Variants in PRKG1 observed in about 807,000 individuals in gnomAD.
PRKG1 encodes cGMP-dependent protein kinase 1.
A neutral mutation model predicts 88.1 loss-of-function variants in PRKG1; 35 were observed. That is an observed-to-expected ratio of 0.40 (90% CI 0.30 to 0.53). The LOEUF is 0.53. Ranked by LOEUF, PRKG1 falls within the 20% of genes least tolerant of loss-of-function variation. PRKG1 has a pLI of 0.59. For missense variants in PRKG1, 540 were observed against 839.8 expected, an observed-to-expected ratio of 0.64 and a Z score of 4.41; for synonymous variants, 303 against 292.5, an observed-to-expected ratio of 1.04 and a Z score of -0.37.
intron 5 of PRKG1, chr10:51,908,733 A>ACCTATCTATATATATAT (rs60587885): frequency 1.5e-5 from 2 of 131,666 alleles, no homozygotes; most frequent in Non-Finnish European, 3.2e-5. Flanking sequence ...ATCTATATGT[A>ACCTATCTATATATATAT]ATTTTTTTTT....
chr10:51,005,884 G>A (rs1261962754), intron 1 of PRKG1, among the ~76,000 whole-genome samples: 1 of 152,126 alleles, frequency 6.6e-6, no homozygotes, highest in Non-Finnish European at 1.5e-5. Flanking sequence ...TCCTCTCATT[G>A]TCTATTCGTT....
chr10:51,714,695 A>G (rs1239606937), intron 3 of PRKG1, among the ~76,000 whole-genome samples: 3 of 152,170 alleles, frequency 2.0e-5, no homozygotes, highest in Non-Finnish European at 4.4e-5. Context: ...TGGTCACTGA[A>G]AGACTGATTT....
intron 3 of PRKG1, among the ~76,000 whole-genome samples, chr10:51,625,082 A>G (rs1300168747): frequency 6.6e-6 from 1 of 152,218 alleles, no homozygotes; most frequent in Non-Finnish European, 1.5e-5. Context: ...AAATTAATAA[A>G]TGTTTAAAGT....
intron 7 of PRKG1, chr10:52,081,622 G>A (rs777183365): frequency 6.6e-6 from 3 of 456,480 alleles, no homozygotes; most frequent in East Asian, 1.4e-4. Flanking sequence ...TGATGGAGAA[G>A]CAAAACATGT....
intron 9 of PRKG1, among the ~76,000 whole-genome samples, chr10:52,191,001 A>G (rs1347777509): frequency 1.3e-5 from 2 of 152,136 alleles, no homozygotes; most frequent in African/African-American, 4.8e-5. Flanking sequence ...ATGAGTAGTC[A>G]TTTTTCAATT....
chr10:52,288,866 A>T lies in PRKG1; in HGVS notation c.1832+18A>T. On this transcript the variant is annotated intron_variant, in intron 15 of 17. Transcript: ENST00000373980. The stretch of plus-strand genomic sequence containing the variant: ...CTATGCAGGTAAGTATTTCAACCAC[A>T]TTATTTTTGAAAACATCATAATGTG... The T allele has an allele frequency of 6.3e-7, 1 of 1,595,490 alleles. No homozygotes were observed. Among genetic ancestry groups the T allele is most frequent in the Non-Finnish European group, 8.5e-7 (1 of 1,172,898 alleles).
chr10:51,246,668 A>T (rs1839300960), intron 2 of PRKG1, among the ~76,000 whole-genome samples: 2 of 152,014 alleles, frequency 1.3e-5, no homozygotes, highest in South Asian at 4.1e-4. Flanking sequence ...TTTCTGACAG[A>T]TGTTGGTACA....
At chr10:52,076,749 G>A (rs1846638754) in intron 7 of PRKG1, among the ~76,000 whole-genome samples, 1 of 152,244 alleles carries the variant, frequency 6.6e-6, no homozygotes, top group Non-Finnish European at 1.5e-5. Context: ...AAAATGAATA[G>A]CCTAATTTTT....
intron 1 of PRKG1, among the ~76,000 whole-genome samples, chr10:51,120,102 G>A (rs1380516130): frequency 6.6e-6 from 1 of 152,026 alleles, no homozygotes; most frequent in Non-Finnish European, 1.5e-5. Flanking sequence ...GAAAAAGTTT[G>A]GAGCATTTTA....
At position 52,122,951 on chromosome 10, in the gene PRKG1, G is replaced by A. The variant is rs141728339; in HGVS notation, c.936-10889G>A. 3.2e-3 allele frequency among the ~76,000 whole-genome samples: 494 copies of A among 152,238 alleles called. 3 individuals carry two copies. Among genetic ancestry groups the A allele is most frequent in the African/African-American group, 0.011 (446 of 41,556 alleles). The stretch of plus-strand genomic sequence containing the variant: ...AAAGGAAACACAACAGAAAAAAATA[G>A]CAATATATATCCCACTGCAATTACT... On this transcript the variant is annotated intron_variant, in intron 7 of 17. Coordinates refer to ENST00000373980, the MANE Select transcript of PRKG1 (RefSeq NM_006258.4).
At chr10:51,869,306 T>C (rs576548079) in intron 4 of PRKG1, among the ~76,000 whole-genome samples, 1 of 152,290 alleles carries the variant, frequency 6.6e-6, no homozygotes, top group South Asian at 2.1e-4. Flanking sequence ...CAGGTCAACA[T>C]AACTTTAAAT....
At chr10:51,568,500 A>G (rs1837665326) in intron 3 of PRKG1, 1 of 151,932 alleles carries the variant, frequency 6.6e-6, no homozygotes, top group Non-Finnish European at 1.5e-5. Context: ...TTGACCTCTC[A>G]AAGTGCTGGA....
intron 7 of PRKG1, among the ~76,000 whole-genome samples, chr10:52,075,791 C>T (rs1165535831): frequency 6.6e-6 from 1 of 152,146 alleles, no homozygotes; most frequent in Non-Finnish European, 1.5e-5. Context: ...TTTGTGCTCT[C>T]ATAGCCGTTC....
chr10:51,991,840 C>T (rs570102338), intron 5 of PRKG1, among the ~76,000 whole-genome samples: 50 of 152,134 alleles, frequency 3.3e-4, no homozygotes, highest in African/African-American at 6.0e-4. Context: ...AATAAACATA[C>T]GTGTGCATGT....
intron 3 of PRKG1, among the ~76,000 whole-genome samples, chr10:51,646,125 G>A (rs2132305433): frequency 6.6e-6 from 1 of 152,180 alleles, no homozygotes; most frequent in East Asian, 1.9e-4. Context: ...AAAAAATGAG[G>A]CAGATCTATG....
At chr10:51,878,989 C>A (rs1458816069) in intron 4 of PRKG1, among the ~76,000 whole-genome samples, 1 of 152,218 alleles carries the variant, frequency 6.6e-6, no homozygotes, top group East Asian at 1.9e-4. Flanking sequence ...GGCAGCATTA[C>A]TGACCTATCT....
chr10:51,487,443 G>A (rs1400184468), intron 3 of PRKG1, among the ~76,000 whole-genome samples: 1 of 152,064 alleles, frequency 6.6e-6, no homozygotes, highest in Non-Finnish European at 1.5e-5. Flanking sequence ...TAAATATTAA[G>A]TTAGCAATTA....
chr10:51,508,376 T>C (rs1381420235), intron 3 of PRKG1, among the ~76,000 whole-genome samples: 1 of 152,128 alleles, frequency 6.6e-6, no homozygotes, highest in Non-Finnish European at 1.5e-5. Flanking sequence ...ATAACTACAG[T>C]TACTTAAGCT....
chr10:51,240,109 C>G (rs1323831429), intron 2 of PRKG1, among the ~76,000 whole-genome samples: 2 of 152,102 alleles, frequency 1.3e-5, no homozygotes, highest in Non-Finnish European at 2.9e-5. Flanking sequence ...AAAGACTCTA[C>G]CTTGCCAGCC....
Sources: allele counts gnomAD v4.1 joint callset (sites outside exome capture counted in the v4.1 genomes callset), GRCh38; gene constraint gnomAD v4.1.1; transcripts MANE v1.5; gene names NCBI Gene and HGNC (gene_info 2026-07-23, HGNC 2026-07-21).